Variants in GRIK2 observed in about 807,000 individuals in gnomAD.
GRIK2 encodes the protein glutamate receptor ionotropic, kainate 2.
A neutral mutation model predicts 100.3 loss-of-function variants in GRIK2; 32 were observed. That is an observed-to-expected ratio of 0.32 (90% CI 0.24 to 0.43). GRIK2 has a LOEUF of 0.43. Ranked by LOEUF, GRIK2 falls within the 20% of genes least tolerant of loss-of-function variation. GRIK2 has a pLI of 1.00. For missense variants in GRIK2, 843 were observed against 1,114.9 expected, an observed-to-expected ratio of 0.76 and a Z score of 3.47; for synonymous variants, 417 against 389.4, an observed-to-expected ratio of 1.07 and a Z score of -0.83.
In GRIK2 at chr6:101,984,655, A is replaced by ACACACACACACACACACC. The variant is rs369665252; in HGVS notation, c.2086-50685_2086-50684insACACACACACACACACCC. On this transcript the variant is annotated intron_variant, in intron 14 of 16. Coordinates refer to ENST00000369134, the MANE Select transcript of GRIK2 (RefSeq NM_021956.5). The stretch of plus-strand genomic sequence containing the variant: ...CACACACACACACACACACACACAC[A>ACACACACACACACACACC]CCCTTCAACTTTAACAGCATCTTTT... Among the ~76,000 whole-genome samples the ACACACACACACACACACC allele has an allele frequency of 7.5e-4, 112 of 148,744 alleles. 1 individual carries two copies. Among genetic ancestry groups the ACACACACACACACACACC allele is most frequent in the Middle Eastern group, 3.4e-3 (1 of 292 alleles).
intron 2 of GRIK2, among the ~76,000 whole-genome samples, chr6:101,566,953 T>G (rs1350434769): frequency 1.3e-5 from 2 of 150,730 alleles, no homozygotes; most frequent in Non-Finnish European, 3.0e-5. Flanking sequence ...ATAAATGTAA[T>G]AGACATTTAT....
In GRIK2 at chr6:101,859,331, TGGTAATGATCGATTTGAA is replaced by T; in HGVS notation, c.1365_1382del (p.Asn456_Gly461del). On this transcript the variant is annotated inframe_deletion, in exon 11 of 17. Coordinates refer to ENST00000369134, the MANE Select transcript of GRIK2 (RefSeq NM_021956.5). ...TTAAGAAGTCTGACAAACCTCTCTA[TGGTAATGATCGATTTGAA>T]GGCTATTGCATTGATCTCCTCAGAG... is the stretch of plus-strand genomic sequence containing the variant. 1 of 1,606,464 alleles carries T rather than the reference TGGTAATGATCGATTTGAA, an allele frequency of 6.2e-7. No individual in the cohort carries two copies. The highest frequency in any genetic ancestry group is 8.5e-7 in the Non-Finnish European group (1 of 1,173,296).
At chr6:101,475,705 A>T (rs1336353746) in intron 2 of GRIK2, among the ~76,000 whole-genome samples, 1 of 152,000 alleles carries the variant, frequency 6.6e-6, no homozygotes, top group Non-Finnish European at 1.5e-5. Flanking sequence ...TTATGTTTAT[A>T]TATAGTACTA....
intron 12 of GRIK2, among the ~76,000 whole-genome samples, chr6:101,899,053 TG>T (rs1787667731): frequency 6.6e-6 from 1 of 151,316 alleles, no homozygotes; most frequent in Non-Finnish European, 1.5e-5. Flanking sequence ...ATATCAATCC[TG>T]TTGGGTATAC....
At chr6:101,733,609 T>TTC (rs752665961) in intron 7 of GRIK2, among the ~76,000 whole-genome samples, 54 of 151,760 alleles carry the variant, frequency 3.6e-4, no homozygotes, top group Middle Eastern at 3.4e-3. Context: ...AGAACAAGCT[T>TTC]TCTCTCTCTC....
At chr6:101,986,719 A>G (rs1021505064) in intron 14 of GRIK2, among the ~76,000 whole-genome samples, 1 of 151,896 alleles carries the variant, frequency 6.6e-6, no homozygotes, top group Non-Finnish European at 1.5e-5. Flanking sequence ...GCACCAGACA[A>G]TTAGTAAAGC....
intron 14 of GRIK2, among the ~76,000 whole-genome samples, chr6:101,955,576 T>TCTCTCTCTCTCTCTCTCTC (rs1791867450): frequency 2.6e-5 from 3 of 116,288 alleles, no homozygotes; most frequent in Admixed American, 9.3e-5. Flanking sequence ...GAGCAAGGCC[T>TCTCTCTCTCTCTCTCTCTC]TCTCTCTCTC....
chr6:101,565,929 A>ATG (rs1193808794), intron 2 of GRIK2, among the ~76,000 whole-genome samples: 1 of 72,280 alleles, frequency 1.4e-5, no homozygotes, highest in African/African-American at 4.9e-5. Flanking sequence ...ATATATATAT[A>ATG]TATGTGTATA....
At chr6:101,961,916 C>G (rs1297358703) in intron 14 of GRIK2, among the ~76,000 whole-genome samples, 1 of 152,120 alleles carries the variant, frequency 6.6e-6, no homozygotes, top group Non-Finnish European at 1.5e-5. Context: ...ATGTGCCCAA[C>G]TGGTATGGCA....
chr6:101,945,332 T>A (rs554635297), intron 14 of GRIK2, among the ~76,000 whole-genome samples: 6 of 152,206 alleles, frequency 3.9e-5, no homozygotes, highest in Admixed American at 3.9e-4. Context: ...ATATTGAGAA[T>A]GTCTCATAGT....
intron 2 of GRIK2, among the ~76,000 whole-genome samples, chr6:101,614,309 T>C (rs910569302): frequency 3.3e-5 from 5 of 151,742 alleles, no homozygotes; most frequent in Non-Finnish European, 5.9e-5. Context: ...AACTTTTATT[T>C]TGAATTTTTA....
At chr6:101,866,831 TTTA>T (rs1298460324) in intron 11 of GRIK2, among the ~76,000 whole-genome samples, 1 of 151,950 alleles carries the variant, frequency 6.6e-6, no homozygotes, top group East Asian at 1.9e-4. Flanking sequence ...CATATAGTAA[TTTA>T]TTATATTTTC....
intron 14 of GRIK2, among the ~76,000 whole-genome samples, chr6:102,009,825 A>G (rs1054062030): frequency 7.2e-5 from 11 of 152,144 alleles, no homozygotes; most frequent in Non-Finnish European, 1.6e-4. Context: ...TGTGTGTGAG[A>G]TGCATGGTAA....
intron 12 of GRIK2, among the ~76,000 whole-genome samples, chr6:101,905,278 G>A (rs904511258): frequency 6.6e-6 from 1 of 151,482 alleles, no homozygotes; most frequent in Non-Finnish European, 1.5e-5. Flanking sequence ...ATTATCAAAG[G>A]ATTATATGGT....
intron 2 of GRIK2, among the ~76,000 whole-genome samples, chr6:101,604,952 TG>T (rs1289945131): frequency 6.6e-6 from 1 of 151,936 alleles, no homozygotes; most frequent in African/African-American, 2.4e-5. Context: ...TATAGTAAAA[TG>T]GGAAGGATTT....
At chr6:101,994,864 A>G (rs892713330) in intron 14 of GRIK2, among the ~76,000 whole-genome samples, 4 of 151,910 alleles carry the variant, frequency 2.6e-5, no homozygotes, top group African/African-American at 9.7e-5. Context: ...GCTCACAGTA[A>G]GAAATAAGAG....
chr6:101,801,186 T>C (rs113950120), intron 8 of GRIK2, among the ~76,000 whole-genome samples: 2 of 152,056 alleles, frequency 1.3e-5, no homozygotes, highest in Non-Finnish European at 2.9e-5. Context: ...GATTTGTTCT[T>C]CTGTTTTACA....
intron 2 of GRIK2, among the ~76,000 whole-genome samples, chr6:101,507,192 T>A (rs17062057): frequency 0.13 from 19,061 of 152,120 alleles, 1,380 homozygotes; most frequent in African/African-American, 0.2. Context: ...TTGCTATTAG[T>A]TTGGAAAATC....
At chr6:101,580,933 T>C (rs1331151614) in intron 2 of GRIK2, among the ~76,000 whole-genome samples, 2 of 152,074 alleles carry the variant, frequency 1.3e-5, no homozygotes, top group African/African-American at 2.4e-5. Flanking sequence ...GCCCAACTCC[T>C]AGCACTCCTA....
Sources: gnomAD v4.1 joint callset for allele counts (sites outside exome capture counted in the v4.1 genomes callset) on GRCh38, gnomAD v4.1.1 for gene constraint, MANE v1.5 for transcripts, NCBI Gene and HGNC (gene_info 2026-07-23, HGNC 2026-07-21) for gene names.